GPC6: variants seen among roughly 807,000 people sequenced by gnomAD.
GPC6 encodes the protein glypican 6, also known as glypican-6.
GPC6 carries 14 observed loss-of-function variants against 55.2 expected under a neutral mutation model. The ratio of observed to expected loss-of-function variants is 0.25; its 90% CI spans 0.17 to 0.40. The LOEUF (loss-of-function observed/expected upper bound fraction) is 0.40. Ranked by LOEUF, GPC6 falls within the 10% of genes least tolerant of loss-of-function variation. The probability of loss-of-function intolerance (pLI) is 1.00; values close to 1 mark genes in which losing one functional copy is unlikely to be tolerated. For synonymous variants in GPC6, 278 were observed against 259.6 expected (o/e 1.07, Z -0.68); for missense variants, 641 against 708.5 (o/e 0.90, Z 1.08).
chr13:94,163,649 A>G (rs1182779442), intron 4 of GPC6, among the ~76,000 whole-genome samples: 2 of 152,158 alleles, frequency 1.3e-5, no homozygotes, highest in Non-Finnish European at 2.9e-5. Flanking sequence ...TTATATTCCA[A>G]TCAAGCACTA....
intron 1 of GPC6, among the ~76,000 whole-genome samples, chr13:93,363,302 A>C (rs1881117644): frequency 1.4e-5 from 2 of 141,774 alleles, no homozygotes; most frequent in Non-Finnish European, 3.1e-5. Flanking sequence ...ACCCCACAAC[A>C]GTCCCCAGAG....
At chr13:93,340,891 G>GTACTA (rs1880231793) in intron 1 of GPC6, among the ~76,000 whole-genome samples, 1 of 152,042 alleles carries the variant, frequency 6.6e-6, no homozygotes, top group Non-Finnish European at 1.5e-5. Flanking sequence ...TACCACCGGA[G>GTACTA]TACTATATAC....
At chr13:93,688,333 C>G (rs1286941889) in intron 2 of GPC6, among the ~76,000 whole-genome samples, 1 of 152,094 alleles carries the variant, frequency 6.6e-6, no homozygotes, top group East Asian at 1.9e-4. Flanking sequence ...AGCCCTTTCT[C>G]ATTTAACTAT....
intron 4 of GPC6, among the ~76,000 whole-genome samples, chr13:94,221,793 A>G (rs1337692081): frequency 2.0e-5 from 3 of 152,112 alleles, no homozygotes; most frequent in Non-Finnish European, 4.4e-5. Context: ...TAACAAGAGG[A>G]AAGCTCCTAA....
At chr13:93,807,742 G>A (rs1407417349) in intron 2 of GPC6, among the ~76,000 whole-genome samples, 1 of 152,154 alleles carries the variant, frequency 6.6e-6, no homozygotes, top group Non-Finnish European at 1.5e-5. Flanking sequence ...ACTGGTGTAT[G>A]GTAGACTCCC....
At chr13:93,421,922 ATAGAG>A (rs1275954930) in intron 1 of GPC6, among the ~76,000 whole-genome samples, 2 of 152,150 alleles carry the variant, frequency 1.3e-5, no homozygotes, top group African/African-American at 4.8e-5. Flanking sequence ...AGCCTAACTG[ATAGAG>A]TATTTTTTCT....
At chr13:93,300,647 C>CAAA (rs11386516) in intron 1 of GPC6, among the ~76,000 whole-genome samples, 11 of 99,484 alleles carry the variant, frequency 1.1e-4, no homozygotes, top group African/African-American at 3.2e-4. Context: ...GACTCTGTCT[C>CAAA]AAAAAAAAAA....
chr13:94,350,108 G>A (rs971758991), intron 6 of GPC6, among the ~76,000 whole-genome samples: 1 of 142,850 alleles, frequency 7.0e-6, no homozygotes, highest in Admixed American at 6.9e-5. Flanking sequence ...TGTGCAGTGT[G>A]TGTGTAAACC....
intron 4 of GPC6, among the ~76,000 whole-genome samples, chr13:94,190,971 TG>T (rs1174206135): frequency 4.0e-5 from 6 of 151,892 alleles, no homozygotes; most frequent in African/African-American, 1.2e-4. Context: ...AGAGAGAGAG[TG>T]ACAGCAAGCA....
At chr13:93,366,913 C>T (rs1042156085) in intron 1 of GPC6, among the ~76,000 whole-genome samples, 6 of 151,976 alleles carry the variant, frequency 3.9e-5, no homozygotes, top group African/African-American at 9.7e-5. Context: ...TTACACAATT[C>T]GTACACTTCC....
chr13:94,380,059 T>C (rs1880088575), intron 6 of GPC6, among the ~76,000 whole-genome samples: 1 of 152,202 alleles, frequency 6.6e-6, no homozygotes, highest in South Asian at 2.1e-4. Context: ...CTGCACATAC[T>C]GAAAGGAGAC....
In GPC6 at chr13:93,398,319, C is replaced by A. The variant is rs569516072; in HGVS notation, c.161-146944C>A. On this transcript the variant is annotated intron_variant, in intron 1 of 8. Coordinates refer to ENST00000377047, the MANE Select transcript of GPC6 (RefSeq NM_005708.5). ...CTAAGGAGTCACATTTGGATCTGGTCTGGGATGGAGTGCTCTCTGGGGAGG... is the reference window on the plus strand; with the variant it reads ...CTAAGGAGTCACATTTGGATCTGGTATGGGATGGAGTGCTCTCTGGGGAGG... Among the ~76,000 whole-genome samples, 5 of 152,284 alleles carry A rather than the reference C, an allele frequency of 3.3e-5. No individual in the cohort carries two copies. The South Asian group carries it at 1.0e-3, about 32-fold the overall frequency.
chr13:94,376,904 C>T (rs1879889117), intron 6 of GPC6, among the ~76,000 whole-genome samples: 1 of 151,890 alleles, frequency 6.6e-6, no homozygotes, highest in Admixed American at 6.6e-5. Context: ...AGCATATCTA[C>T]AACTATCTGA....
intron 1 of GPC6, among the ~76,000 whole-genome samples, chr13:93,445,999 C>A (rs939653032): frequency 1.3e-5 from 2 of 152,042 alleles, no homozygotes; most frequent in African/African-American, 4.8e-5. Context: ...GGTTGTCTAT[C>A]AGAATAAGGA....
rs144990085 is a variant in GPC6, at chr13:94,028,534, A to G, written c.877+640A>G. 9.0e-4 allele frequency among the ~76,000 whole-genome samples: 137 copies of G among 151,834 alleles called. 1 individual carries two copies. The highest frequency in any genetic ancestry group is 3.1e-3 in the African/African-American group (129 of 41,398). On this transcript the variant is annotated intron_variant, in intron 4 of 8. Coordinates refer to ENST00000377047, the MANE Select transcript of GPC6 (RefSeq NM_005708.5). ...TAAAAAAAAAAAAGTCCACTGTACT[A>G]TTTCTTTTTTATTTGTATTACCTCA... is the stretch of plus-strand genomic sequence containing the variant.
chr13:93,527,765 G>A (rs756777796), intron 1 of GPC6, among the ~76,000 whole-genome samples: 1 of 151,954 alleles, frequency 6.6e-6, no homozygotes, highest in Non-Finnish European at 1.5e-5. Context: ...TTTACCTATG[G>A]GCATCCATCT....
chr13:94,098,413 T>C (rs984383938), intron 4 of GPC6, among the ~76,000 whole-genome samples: 2 of 152,086 alleles, frequency 1.3e-5, no homozygotes, highest in African/African-American at 2.4e-5. Context: ...TGTAAATTGC[T>C]AGGTACATAG....
chr13:94,100,068 A>G (rs1178005038), intron 4 of GPC6, among the ~76,000 whole-genome samples: 3 of 152,150 alleles, frequency 2.0e-5, no homozygotes, highest in Non-Finnish European at 4.4e-5. Context: ...GGGTTTACCT[A>G]TGTAATAAAC....
At chr13:93,717,684 T>C (rs1036076056) in intron 2 of GPC6, among the ~76,000 whole-genome samples, 3 of 151,784 alleles carry the variant, frequency 2.0e-5, no homozygotes, top group Admixed American at 6.6e-5. Context: ...TACATAGGTA[T>C]ACATGTGCCA....
Sources: allele counts gnomAD v4.1 joint callset (sites outside exome capture counted in the v4.1 genomes callset), GRCh38; gene constraint gnomAD v4.1.1; transcripts MANE v1.5; gene names NCBI Gene and HGNC (gene_info 2026-07-23, HGNC 2026-07-21).